PAX5: variants seen among roughly 807,000 people sequenced by gnomAD.
PAX5 encodes the protein paired box protein Pax-5.
In PAX5, 9 loss-of-function variants were observed where a neutral mutation model predicts 43.7. The ratio of observed to expected loss-of-function variants is 0.21; its 90% CI spans 0.12 to 0.36. PAX5 has a LOEUF of 0.36. Ranked by LOEUF, PAX5 falls within the 10% of genes least tolerant of loss-of-function variation. The pLI, the probability that PAX5 is intolerant of heterozygous loss-of-function variation, is 1.00. For synonymous variants in PAX5, 228 were observed against 214.3 expected, an observed-to-expected ratio of 1.06 and a Z score of -0.56; for missense variants, 383 against 532.7, an observed-to-expected ratio of 0.72 and a Z score of 2.77.
chr9:36,857,876 C>T (rs1419639642), intron 8 of PAX5, among the ~76,000 whole-genome samples: 1 of 152,250 alleles, frequency 6.6e-6, no homozygotes, highest in Non-Finnish European at 1.5e-5. Context: ...CTCCTGACAG[C>T]TCTGAACCAC....
chr9:37,001,422 A>G (rs974380629), intron 5 of PAX5, among the ~76,000 whole-genome samples: 1 of 152,184 alleles, frequency 6.6e-6, no homozygotes, highest in South Asian at 2.1e-4. Context: ...TCATAAAACA[A>G]CAGAGATGGC....
intron 5 of PAX5, among the ~76,000 whole-genome samples, chr9:36,968,026 G>A (rs1406423453): frequency 3.9e-5 from 6 of 152,204 alleles, no homozygotes; most frequent in Admixed American, 6.5e-5. Context: ...AATGTTTCCC[G>A]TGAGGAAATG....
chr9:36,914,644 T>C (rs1169400699), intron 7 of PAX5, among the ~76,000 whole-genome samples: 3 of 152,244 alleles, frequency 2.0e-5, no homozygotes, highest in East Asian at 1.9e-4. Context: ...ACATTCTTAA[T>C]GAATGTAATT....
intron 7 of PAX5, among the ~76,000 whole-genome samples, chr9:36,918,624 G>A (rs765617387): frequency 6.6e-6 from 1 of 152,140 alleles, no homozygotes; most frequent in Non-Finnish European, 1.5e-5. Flanking sequence ...TTGCACCACT[G>A]CACTCCAGCC....
At chr9:37,031,628 C>T (rs780655539) in intron 1 of PAX5, among the ~76,000 whole-genome samples, 5 of 152,184 alleles carry the variant, frequency 3.3e-5, no homozygotes, top group Non-Finnish European at 7.3e-5. Flanking sequence ...GGTCACCTTC[C>T]ATTCCTATTC....
At chr9:37,019,237 A>C (rs1469506809) in intron 2 of PAX5, among the ~76,000 whole-genome samples, 1 of 150,526 alleles carries the variant, frequency 6.6e-6, no homozygotes, top group Non-Finnish European at 1.5e-5. Flanking sequence ...TCTTTTCTCT[A>C]TCTCTCTGTC....
At position 36,846,898 on chromosome 9, in the gene PAX5, G is replaced by A. The variant is rs375965327; in HGVS notation, c.1044C>T (p.His348=). The A allele has an allele frequency of 6.2e-7, 1 of 1,613,970 alleles. No individual in the cohort carries two copies. The highest frequency in any genetic ancestry group is 8.5e-7 in the Non-Finnish European group (1 of 1,179,910). Residue 348 remains histidine (H), a synonymous_variant, in exon 9 of 10, where the codon CAC becomes CAT. Transcript: ENST00000358127. ...GSEFSGSPYS[H]PQYSSYNDSW... is the part of the protein sequence containing the mutation. ...AGTCGTTGTACGAGGAATACTGAGG[G>A]TGGCTGTAGGGACTCCCGGAAAACT...
intron 5 of PAX5, among the ~76,000 whole-genome samples, chr9:36,982,388 T>A (rs1048896038): frequency 1.3e-5 from 2 of 152,256 alleles, no homozygotes; most frequent in African/African-American, 4.8e-5. Flanking sequence ...GCTGGTGCTC[T>A]GGTCCCAAGC....
intron 5 of PAX5, among the ~76,000 whole-genome samples, chr9:36,972,420 T>C (rs1834991358): frequency 6.6e-6 from 1 of 152,246 alleles, no homozygotes; most frequent in Non-Finnish European, 1.5e-5. Flanking sequence ...CTAAGGTAGC[T>C]GAGTTGGTCA....
At chr9:36,977,814 G>C (rs1478611259) in intron 5 of PAX5, among the ~76,000 whole-genome samples, 1 of 152,216 alleles carries the variant, frequency 6.6e-6, no homozygotes, top group East Asian at 1.9e-4. Flanking sequence ...TCTTAAGGAT[G>C]GAGTTAGCCA....
At chr9:36,993,806 A>T (rs1837133218) in intron 5 of PAX5, among the ~76,000 whole-genome samples, 1 of 151,180 alleles carries the variant, frequency 6.6e-6, no homozygotes, top group South Asian at 2.1e-4. Context: ...CGGCCCCACC[A>T]CTCTTTTACT....
chr9:36,921,440 TC>T (rs1428482184), intron 7 of PAX5, among the ~76,000 whole-genome samples: 1 of 152,164 alleles, frequency 6.6e-6, no homozygotes, highest in African/African-American at 2.4e-5. Flanking sequence ...CTGGATGAGC[TC>T]CAGCTGATCT....
At chr9:36,909,322 A>G (rs969482862) in intron 7 of PAX5, among the ~76,000 whole-genome samples, 1 of 152,200 alleles carries the variant, frequency 6.6e-6, no homozygotes, top group African/African-American at 2.4e-5. Flanking sequence ...GAGTCTGGAG[A>G]GAGCGGATGT....
intron 8 of PAX5, among the ~76,000 whole-genome samples, chr9:36,850,336 G>T (rs936682322): frequency 6.6e-6 from 1 of 152,236 alleles, no homozygotes; most frequent in East Asian, 1.9e-4. Context: ...GGTGGCTGTG[G>T]CCACAGTCTA....
intron 8 of PAX5, among the ~76,000 whole-genome samples, chr9:36,869,607 C>T (rs914761973): frequency 2.6e-5 from 4 of 152,368 alleles, no homozygotes; most frequent in Admixed American, 6.5e-5. Context: ...TAGGCTCCAT[C>T]CCCCTTCTCT....
intron 4 of PAX5, among the ~76,000 whole-genome samples, chr9:37,005,092 AC>A (rs1838276665): frequency 6.6e-6 from 1 of 152,224 alleles, no homozygotes; most frequent in Admixed American, 6.5e-5. Flanking sequence ...GTGCTATGTG[AC>A]CTGAAATAGT....
rs1821798478 is a variant in PAX5, at chr9:36,838,474, T to C, written c.*2086A>G. 1 of 232,642 alleles carries C rather than the reference T, an allele frequency of 4.3e-6. No homozygotes were observed. The highest frequency in any genetic ancestry group is 5.6e-5 in the Admixed American group (1 of 17,762). The allele number at this position is 232,642 out of a possible 1,614,324, so 14.4% of individuals were successfully genotyped here. A position where few individuals can be genotyped will look rare whatever the true frequency, so the allele number is the denominator to read the frequency against. ...GCTGAGCCTTAGTTTTCTCTTCTGT[T>C]CCACCACCCTGTGGGGGACTTAGGG... On this transcript the variant is annotated 3_prime_UTR_variant, in exon 10 of 10. Transcript: ENST00000358127.
chr9:36,962,901 T>G (rs60178333), intron 6 of PAX5, among the ~76,000 whole-genome samples: 2,172 of 152,294 alleles, frequency 0.014, 52 homozygotes, highest in African/African-American at 0.048. Context: ...ACCACCGCCA[T>G]GCCACGCTGG....
chr9:36,996,155 C>G (rs1746318451), intron 5 of PAX5, among the ~76,000 whole-genome samples: 1 of 152,264 alleles, frequency 6.6e-6, no homozygotes, highest in South Asian at 2.1e-4. Context: ...CAGCTGCCAA[C>G]AGGACCGTGG....
Sources: allele counts gnomAD v4.1 joint callset (sites outside exome capture counted in the v4.1 genomes callset), GRCh38; gene constraint gnomAD v4.1.1; transcripts MANE v1.5; gene names NCBI Gene and HGNC (gene_info 2026-07-23, HGNC 2026-07-21).